Variants in P2RX3 observed in about 807,000 individuals in gnomAD.
P2RX3 encodes the protein P2X purinoceptor 3.
P2RX3 carries 41 observed loss-of-function variants against 51.5 expected under a neutral mutation model. The ratio of observed to expected loss-of-function variants is 0.80; its 90% CI spans 0.62 to 1.03. The LOEUF (loss-of-function observed/expected upper bound fraction) is 1.03, where lower values mean the gene tolerates loss of function less well. P2RX3 is among the 50% of genes least tolerant of loss of function. P2RX3 has a pLI of 0.00. For missense variants in P2RX3, 459 were observed against 522.1 expected, an observed-to-expected ratio of 0.88 and a Z score of 1.18; for synonymous variants, 185 against 191.6, an observed-to-expected ratio of 0.97 and a Z score of 0.29.
At position 57,349,894 on chromosome 11, in the gene P2RX3, G is replaced by T; in HGVS notation, c.701G>T (p.Arg234Leu). The change falls in exon 7 of 12, where the codon CGC becomes CTC. Residue 234 changes from arginine (R) to leucine (L), a missense_variant. Transcript: ENST00000263314. The stretch of plus-strand genomic sequence containing the variant: ...GGGCAGGATTTTGCCAAACTGGCGC[G>T]CACGGTGAGGACCTAGCCATTCTTC... ...FAGQDFAKLA[R>L]TGGVLGIKIG... 6.2e-7 allele frequency: 1 copy of T among 1,614,200 alleles called. No homozygotes were observed. Among genetic ancestry groups the T allele is most frequent in the Non-Finnish European group, 8.5e-7 (1 of 1,180,042 alleles).
At chr11:57,344,606 C>T (rs546271549) in intron 1 of P2RX3, among the ~76,000 whole-genome samples, 7 of 152,012 alleles carry the variant, frequency 4.6e-5, no homozygotes, top group East Asian at 3.9e-4. Context: ...GGCTGAGGCA[C>T]GAGAATCACT....
chr11:57,342,708 C>T (rs940495280), intron 1 of P2RX3, among the ~76,000 whole-genome samples: 2 of 152,064 alleles, frequency 1.3e-5, no homozygotes, highest in Non-Finnish European at 2.9e-5. Flanking sequence ...AAGTGCCTTG[C>T]GGAGATGGTG....
chr11:57,363,966 AT>A lies in P2RX3; in HGVS notation c.843-4038del, dbSNP rs1254470217. Among the ~76,000 whole-genome samples the A allele has an allele frequency of 2.0e-5, 3 of 152,186 alleles. No individual in the cohort carries two copies. In the East Asian group the frequency reaches 5.8e-4, roughly 29 times the overall value. Reference sequence around the variant, plus strand: ...CTGGAGAAAAACCAAGTCCGCTTTGATTTTTCTCCCTGTTCCCTTCACATTC... The same window carrying A: ...CTGGAGAAAAACCAAGTCCGCTTTGATTTTCTCCCTGTTCCCTTCACATTC... On this transcript the variant is annotated intron_variant, in intron 8 of 11. Transcript: ENST00000263314.
intron 8 of P2RX3, among the ~76,000 whole-genome samples, chr11:57,361,759 T>C (rs1281019065): frequency 6.6e-6 from 1 of 152,228 alleles, no homozygotes; most frequent in African/African-American, 2.4e-5. Flanking sequence ...CATGCATGCA[T>C]GTATCTTTAT....
intron 8 of P2RX3, among the ~76,000 whole-genome samples, chr11:57,362,680 G>A (rs1438083120): frequency 2.6e-5 from 4 of 152,184 alleles, no homozygotes; most frequent in African/African-American, 7.2e-5. Flanking sequence ...GACTGCCTGG[G>A]TTCGAATCCC....
At chr11:57,348,143 A>AC (rs1856475521) in intron 4 of P2RX3, 27 bp from the exon 5 acceptor site, 1 of 1,551,098 alleles carries the variant, frequency 6.4e-7, no homozygotes, top group Non-Finnish European at 8.7e-7. Context: ...GCAGGCAGCC[A>AC]CCCAGCAGCT....
In P2RX3 at chr11:57,347,628, G is replaced by A. The variant is rs1323868439; in HGVS notation, c.391+150G>A. On this transcript the variant is annotated intron_variant, in intron 4 of 11. Transcript: ENST00000263314. The stretch of plus-strand genomic sequence containing the variant: ...GCTCCCTGGGTGCCACACCCAGTGG[G>A]TGCTACAAAGGTGGCATGGCCCCTG... The A allele has an allele frequency of 3.4e-6, 3 of 871,726 alleles. No homozygotes were observed. The East Asian group carries it at 7.9e-5, about 23-fold the overall frequency. 54.0% of individuals were successfully genotyped at this position (871,726 alleles called of 1,614,324 possible). A position where few individuals can be genotyped will look rare whatever the true frequency, so the allele number is the denominator to read the frequency against.
chr11:57,342,092 T>A (rs749193622), intron 1 of P2RX3, among the ~76,000 whole-genome samples: 3 of 150,006 alleles, frequency 2.0e-5, no homozygotes, highest in Non-Finnish European at 4.4e-5. Flanking sequence ...CACAATTAAG[T>A]GACAGATATG....
chr11:57,336,194 G>C (rs1429944327), upstream of P2RX3, among the ~76,000 whole-genome samples: 2 of 152,214 alleles, frequency 1.3e-5, no homozygotes, highest in African/African-American at 2.4e-5. Flanking sequence ...CTATGTCATG[G>C]AAAGGAGTCG....
intron 7 of P2RX3, chr11:57,350,222 T>C (rs867640276): frequency 2.6e-5 from 9 of 352,290 alleles, no homozygotes; most frequent in Middle Eastern, 8.7e-4. Flanking sequence ...CACTTTCTCC[T>C]GTGTTGTAGC....
intron 8 of P2RX3, among the ~76,000 whole-genome samples, chr11:57,359,085 C>T (rs1287497285): frequency 1.3e-5 from 2 of 152,168 alleles, no homozygotes; most frequent in African/African-American, 4.8e-5. Flanking sequence ...TCGAGGCACA[C>T]AGGGATGAAC....
chr11:57,358,573 C>T (rs1251621450), intron 8 of P2RX3, among the ~76,000 whole-genome samples: 1 of 152,184 alleles, frequency 6.6e-6, no homozygotes, highest in Admixed American at 6.5e-5. Context: ...TGATGTTAAG[C>T]ACGTCTCATT....
At chr11:57,338,786 A>T in intron 1 of P2RX3, 117 bp downstream of exon 1, 1 of 686,128 alleles carries the variant, frequency 1.5e-6, no homozygotes, top group Non-Finnish European at 2.5e-6. Context: ...TGGGGGAAAC[A>T]GTTTCTTCTG....
intron 6 of P2RX3, 30 bp from the exon 7 acceptor site, chr11:57,349,727 G>A (rs751315226): frequency 2.4e-5 from 39 of 1,613,642 alleles, no homozygotes; most frequent in Non-Finnish European, 2.9e-5. Context: ...CATGAACCCT[G>A]GGCTGACCTC....
At chr11:57,365,684 A>C (rs1021300165) in intron 8 of P2RX3, among the ~76,000 whole-genome samples, 3 of 152,212 alleles carry the variant, frequency 2.0e-5, no homozygotes, top group Non-Finnish European at 2.9e-5. Flanking sequence ...GGACACCCTG[A>C]AGGCTAAGGA....
upstream of P2RX3, among the ~76,000 whole-genome samples, chr11:57,337,329 A>AAAAAAAAAAGG (rs1554965262): frequency 3.9e-5 from 3 of 77,296 alleles, no homozygotes; most frequent in African/African-American, 5.7e-5. Context: ...AAGAAAAAAA[A>AAAAAAAAAAGG]AAGGAAGGGA....
intron 8 of P2RX3, among the ~76,000 whole-genome samples, chr11:57,352,789 G>C (rs1856567896): frequency 6.6e-6 from 1 of 152,138 alleles, no homozygotes; most frequent in African/African-American, 2.4e-5. Context: ...GGGGAGGCAG[G>C]ACGGAATATC....
chr11:57,347,244 G>A (rs1423835535), intron 3 of P2RX3, 57 bp downstream of exon 3: 38 of 1,575,354 alleles, frequency 2.4e-5, no homozygotes, highest in Non-Finnish European at 3.0e-5. Context: ...GTTGGTGGGA[G>A]TGGGAGCAGT....
intron 7 of P2RX3, 147 bp downstream of exon 7, chr11:57,350,045 T>C: frequency 7.7e-7 from 1 of 1,291,230 alleles, no homozygotes; most frequent in South Asian, 1.4e-5. Context: ...ACTGGCTTTG[T>C]GCCTGAATCC....
Sources: allele counts gnomAD v4.1 joint callset (sites outside exome capture counted in the v4.1 genomes callset), GRCh38; gene constraint gnomAD v4.1.1; transcripts MANE v1.5; gene names NCBI Gene and HGNC (gene_info 2026-07-23, HGNC 2026-07-21).